ARHGEF4: variants seen among roughly 807,000 people sequenced by gnomAD.
ARHGEF4 encodes APC-stimulated guanine nucleotide exchange factor 1.
Under a neutral mutation model 162.0 loss-of-function variants are expected in ARHGEF4, and 119 were observed. The observed-to-expected ratio is 0.73, with a 90% CI of 0.63 to 0.86. The LOEUF is 0.86. Ranked by LOEUF, ARHGEF4 falls within the 40% of genes least tolerant of loss-of-function variation. The pLI is 0.00. For synonymous variants in ARHGEF4, 1,014 were observed against 979.9 expected, an observed-to-expected ratio of 1.03 and a Z score of -0.65; for missense variants, 2,488 against 2,456.0, an observed-to-expected ratio of 1.01 and a Z score of -0.28.
intron 5 of ARHGEF4, chr2:131,035,099 G>A: frequency 9.2e-7 from 1 of 1,088,368 alleles, no homozygotes; most frequent in Non-Finnish European, 1.1e-6. Context: ...GCCATGGCGA[G>A]GGCCCCGCAG....
intron 3 of ARHGEF4, among the ~76,000 whole-genome samples, chr2:130,943,633 C>A (rs899142447): frequency 2.6e-5 from 4 of 152,116 alleles, no homozygotes; most frequent in Non-Finnish European, 5.9e-5. Context: ...AATTAACATA[C>A]ATTCTTAACA....
chr2:130,916,090 G>C lies in ARHGEF4; in HGVS notation c.2144G>C (p.Arg715Thr). 6.5e-7 allele frequency: 1 copy of C among 1,550,260 alleles called. No homozygotes were observed. Among genetic ancestry groups the C allele is most frequent in the East Asian group, 2.4e-5 (1 of 40,910 alleles). The change falls in exon 2 of 14, where the codon AGA becomes ACA. Residue 715 changes from arginine (R) to threonine (T), a missense_variant. Physicochemically the swap from Arg to Thr is moderately conservative, Grantham distance 71 (BLOSUM62 -1). Coordinates refer to ENST00000409359, the MANE Select transcript of ARHGEF4 (RefSeq NM_001367493.1). The stretch of plus-strand genomic sequence containing the variant: ...GTGGCCCAGGCCGCAGAGCTTGGGA[G>C]AGTGCTGGTCCCCCAAGCTGCTTCG... ...QRVAQAAELG[R>T]VLVPQAASEE...
chr2:130,966,226 G>C (rs1450824013), intron 4 of ARHGEF4, among the ~76,000 whole-genome samples: 4 of 152,148 alleles, frequency 2.6e-5, no homozygotes, highest in Admixed American at 2.6e-4. Context: ...ACCAATGCTC[G>C]ATGTGTAAAA....
At chr2:130,958,291 G>A (rs187371315) in intron 4 of ARHGEF4, among the ~76,000 whole-genome samples, 13 of 152,142 alleles carry the variant, frequency 8.5e-5, no homozygotes, top group African/African-American at 9.7e-5. Flanking sequence ...AGCTGTAAAG[G>A]GGGAGAGGGG....
intron 4 of ARHGEF4, among the ~76,000 whole-genome samples, chr2:130,975,812 C>A (rs1021737570): frequency 4.6e-5 from 7 of 152,190 alleles, no homozygotes; most frequent in Admixed American, 4.6e-4. Context: ...TGCTTGGCAT[C>A]CAGGCCTGGC....
At chr2:130,844,845 A>G (rs2104862763) in intron 1 of ARHGEF4, among the ~76,000 whole-genome samples, 1 of 152,138 alleles carries the variant, frequency 6.6e-6, no homozygotes, top group South Asian at 2.1e-4. Context: ...TATTTGAGAC[A>G]GAATCTCATA....
intron 4 of ARHGEF4, among the ~76,000 whole-genome samples, chr2:130,971,848 T>C (rs564632849): frequency 6.6e-6 from 1 of 152,186 alleles, no homozygotes; most frequent in Non-Finnish European, 1.5e-5. Context: ...CAGACCTCAC[T>C]GCAGTGCCTA....
At chr2:130,913,689 T>C (rs1301613760) in intron 1 of ARHGEF4, among the ~76,000 whole-genome samples, 2 of 152,374 alleles carry the variant, frequency 1.3e-5, no homozygotes, top group East Asian at 3.9e-4. Context: ...CCATGACTCA[T>C]GCAACATTTT....
intron 4 of ARHGEF4, chr2:130,964,266 C>G: frequency 1.0e-6 from 1 of 985,900 alleles, no homozygotes; most frequent in Non-Finnish European, 1.2e-6. Context: ...ACGCCGCCAT[C>G]CCCGCGCCGC....
intron 4 of ARHGEF4, among the ~76,000 whole-genome samples, chr2:130,978,169 C>T (rs1685879000): frequency 6.6e-6 from 1 of 152,148 alleles, no homozygotes. Flanking sequence ...GTCTATGGGA[C>T]CCTCGGGCTG....
intron 1 of ARHGEF4, among the ~76,000 whole-genome samples, chr2:130,870,580 T>A (rs1235093618): frequency 6.6e-6 from 1 of 151,800 alleles, no homozygotes; most frequent in African/African-American, 2.4e-5. Context: ...TTGAAGTGAG[T>A]GAGGGTCAAA....
At chr2:131,035,274 G>T in intron 5 of ARHGEF4, 1 of 1,217,486 alleles carries the variant, frequency 8.2e-7, no homozygotes, top group Non-Finnish European at 1.0e-6. Flanking sequence ...CGGCCGCGCA[G>T]GGCGCCGCGC....
At chr2:130,885,084 T>C (rs1236182666) in intron 1 of ARHGEF4, among the ~76,000 whole-genome samples, 1 of 152,130 alleles carries the variant, frequency 6.6e-6, no homozygotes, top group Non-Finnish European at 1.5e-5. Context: ...TATACATCAC[T>C]TCTGTTTAAT....
At position 130,914,675 on chromosome 2, in the gene ARHGEF4, T is replaced by G; in HGVS notation, c.729T>G (p.His243Gln). The change falls in exon 2 of 14, where the codon CAT becomes CAG. Residue 243 changes from histidine to glutamine, a missense_variant. Coordinates refer to ENST00000409359, the MANE Select transcript of ARHGEF4 (RefSeq NM_001367493.1). ...WCCELGRSWP[H>Q]IHNRARALVL... ...GTGAACTGGGTCGGAGTTGGCCACA[T>G]ATCCACAACAGGGCCAGGGCACTGG... 7.2e-7 allele frequency: 1 copy of G among 1,389,122 alleles called. No homozygotes were observed. Among genetic ancestry groups the G allele is most frequent in the Non-Finnish European group, 9.3e-7 (1 of 1,078,248 alleles). 86.0% of individuals were successfully genotyped at this position (1,389,122 alleles called of 1,614,324 possible).
chr2:130,990,909 T>G (rs775789597), intron 4 of ARHGEF4, among the ~76,000 whole-genome samples: 1 of 152,154 alleles, frequency 6.6e-6, no homozygotes, highest in African/African-American at 2.4e-5. Context: ...CACACAGATA[T>G]AGGGTTCAGA....
intron 4 of ARHGEF4, among the ~76,000 whole-genome samples, chr2:131,003,357 A>C (rs1652059243): frequency 6.6e-6 from 1 of 152,232 alleles, no homozygotes; most frequent in South Asian, 2.1e-4. Flanking sequence ...CTCCTGGCAC[A>C]TGATGACCAC....
In ARHGEF4 at chr2:131,046,035, C is replaced by G; in HGVS notation, c.5480-3C>G. 6.2e-7 allele frequency: 1 copy of G among 1,609,622 alleles called. No homozygotes were observed. Among genetic ancestry groups the G allele is most frequent in the Non-Finnish European group, 8.5e-7 (1 of 1,177,708 alleles). ...TGACCCTCTGCTGTCTCTCCCTGTT[C>G]AGCTGTTGGCCGGCCCTGCTACCTG... On this transcript the variant is annotated splice_region_variant and splice_polypyrimidine_tract_variant and intron_variant, in intron 13 of 13. Transcript: ENST00000409359.
intron 1 of ARHGEF4, among the ~76,000 whole-genome samples, chr2:130,860,785 G>C (rs1430146771): frequency 1.0e-5 from 1 of 96,528 alleles, no homozygotes; most frequent in Admixed American, 1.2e-4. Context: ...CCTTAAAAAA[G>C]ACATAAGATT....
At chr2:130,912,526 TAA>T (rs1681247330) in intron 1 of ARHGEF4, among the ~76,000 whole-genome samples, 1 of 152,238 alleles carries the variant, frequency 6.6e-6, no homozygotes, top group Non-Finnish European at 1.5e-5. Context: ...TTCTCTCAGT[TAA>T]GAATTAAAAG....
Sources: gnomAD v4.1 joint callset for allele counts (sites outside exome capture counted in the v4.1 genomes callset) on GRCh38, gnomAD v4.1.1 for gene constraint, MANE v1.5 for transcripts, NCBI Gene and HGNC (gene_info 2026-07-23, HGNC 2026-07-21) for gene names.